CORO1B: variants seen among roughly 807,000 people sequenced by gnomAD.
CORO1B encodes the protein coronin-1B.
Under a neutral mutation model 51.1 loss-of-function variants are expected in CORO1B, and 30 were observed. That is an observed-to-expected ratio of 0.59 (90% CI 0.44 to 0.80). The LOEUF is 0.80. Ranked by LOEUF, CORO1B falls within the 30% of genes least tolerant of loss-of-function variation. The pLI is 0.00. For synonymous variants in CORO1B, 310 were observed against 289.7 expected (o/e 1.07, Z -0.71); for missense variants, 648 against 700.4 (o/e 0.93, Z 0.84).
chr11:67,441,485 C>CA lies in CORO1B; in HGVS notation c.483dup (p.Val162CysfsTer16). 6.2e-7 allele frequency: 1 copy of CA among 1,613,750 alleles called. No homozygotes were observed. The highest frequency in any genetic ancestry group is 8.5e-7 in the Non-Finnish European group (1 of 1,179,986). ...CGGTACAGCTCCTCCGCTGTGCCCA[C>CA]ATTCCAGATGAGTACCACGTTGTCG... On this transcript the variant is annotated frameshift_variant, in exon 5 of 11. Coordinates refer to ENST00000341356, the MANE Select transcript of CORO1B (RefSeq NM_020441.3). LOFTEE classifies it high-confidence loss of function.
At chr11:67,440,081 T>A in intron 8 of CORO1B, 37 bp downstream of exon 8, 1 of 1,578,200 alleles carries the variant, frequency 6.3e-7, no homozygotes. Context: ...TCACCTTAGA[T>A]GCCCCTATCC....
In CORO1B at chr11:67,436,325, C is replaced by T. The variant is rs1334804792; in HGVS notation, c.*2051G>A. 1.3e-6 allele frequency: 2 copies of T among 1,508,426 alleles called. No homozygotes were observed. The highest frequency in any genetic ancestry group is 1.8e-6 in the Non-Finnish European group (2 of 1,130,442). 93.4% of individuals were successfully genotyped at this position (1,508,426 alleles called of 1,614,324 possible). Reference sequence around the variant, plus strand: ...GGCCCCTGGCAGGGCCAGCAGCATCCCGAGCCCTAAGGTGCAGGGCAGAGC... The same window carrying T: ...GGCCCCTGGCAGGGCCAGCAGCATCTCGAGCCCTAAGGTGCAGGGCAGAGC... On this transcript the variant is annotated 3_prime_UTR_variant, in exon 11 of 11. Coordinates refer to ENST00000341356, the MANE Select transcript of CORO1B (RefSeq NM_020441.3).
At position 67,437,641 on chromosome 11, in the gene CORO1B, C is replaced by A; in HGVS notation, c.*735G>T. The A allele has an allele frequency of 7.3e-7, 1 of 1,365,484 alleles. No individual in the cohort carries two copies. Among genetic ancestry groups the A allele is most frequent in the Non-Finnish European group, 9.5e-7 (1 of 1,050,726 alleles). 84.6% of individuals were successfully genotyped at this position (1,365,484 alleles called of 1,614,324 possible). On this transcript the variant is annotated 3_prime_UTR_variant, in exon 11 of 11. Coordinates refer to ENST00000341356, the MANE Select transcript of CORO1B (RefSeq NM_020441.3). ...CCATTGGTCCGCAGGCCCCTCCGTG[C>A]CGGGCACCCACCTCCAGCTCTGGCT... is the stretch of plus-strand genomic sequence containing the variant.
chr11:67,440,504 G>A (rs1864374502), intron 6 of CORO1B, 65 bp from the exon 7 acceptor site: 3 of 1,449,772 alleles, frequency 2.1e-6, no homozygotes, highest in Non-Finnish European at 2.9e-6. Context: ...AACCAGGACG[G>A]GCCTTAGCTG....
In CORO1B at chr11:67,436,408, G is replaced by A. The variant is rs1266371023; in HGVS notation, c.*1968C>T. 7.0e-7 allele frequency: 1 copy of A among 1,420,074 alleles called. No homozygotes were observed. Among genetic ancestry groups the A allele is most frequent in the Non-Finnish European group, 9.2e-7 (1 of 1,091,430 alleles). The allele number at this position is 1,420,074 out of a possible 1,614,324, so 88.0% of individuals were successfully genotyped here. A position where few individuals can be genotyped will look rare whatever the true frequency, so the allele number is the denominator to read the frequency against. On this transcript the variant is annotated 3_prime_UTR_variant, in exon 11 of 11. Coordinates refer to ENST00000341356, the MANE Select transcript of CORO1B (RefSeq NM_020441.3). ...AGCACCTGGGGTGGGGCCTGGTGTG[G>A]GGCAGGCTGGGTGACCAAGACCACT...
chr11:67,435,613 G>C lies in CORO1B; in HGVS notation c.*2763C>G. ...TACACATGGACTTGGGAACTGGTAG[G>C]GGGTGACAGTCTGAGGCATGGTCAT... On this transcript the variant is annotated 3_prime_UTR_variant, in exon 11 of 11. Coordinates refer to ENST00000341356, the MANE Select transcript of CORO1B (RefSeq NM_020441.3). 7.0e-7 allele frequency: 1 copy of C among 1,427,958 alleles called. No homozygotes were observed. Among genetic ancestry groups the C allele is most frequent in the Non-Finnish European group, 9.3e-7 (1 of 1,075,978 alleles). The allele number at this position is 1,427,958 out of a possible 1,614,324, so 88.5% of individuals were successfully genotyped here.
Position 67,437,595 on chromosome 11 carries a change from C to A in CORO1B, c.*781G>T. 7.4e-7 allele frequency: 1 copy of A among 1,351,396 alleles called. No individual in the cohort carries two copies. Among genetic ancestry groups the A allele is most frequent in the Non-Finnish European group, 9.6e-7 (1 of 1,042,700 alleles). 83.7% of individuals were successfully genotyped at this position (1,351,396 alleles called of 1,614,324 possible). A position where few individuals can be genotyped will look rare whatever the true frequency, so the allele number is the denominator to read the frequency against. On this transcript the variant is annotated 3_prime_UTR_variant, in exon 11 of 11. Coordinates refer to ENST00000341356, the MANE Select transcript of CORO1B (RefSeq NM_020441.3). ...CCGCCTGTGGCCCCCATCCCAAGAA[C>A]CCGGGGGGCTCCGAGGCTTACCATT...
At chr11:67,442,976 G>C (rs1022029150) in intron 1 of CORO1B, among the ~76,000 whole-genome samples, 1 of 152,188 alleles carries the variant, frequency 6.6e-6, no homozygotes, top group African/African-American at 2.4e-5. Context: ...GTCCCAGCCA[G>C]TCGGGAGCAG....
chr11:67,440,545 A>G, intron 6 of CORO1B, 106 bp from the exon 7 acceptor site: 1 of 1,012,652 alleles, frequency 9.9e-7, no homozygotes, highest in Non-Finnish European at 1.5e-6. Context: ...CACTGCCCCT[A>G]AATGCAGGTG....
At chr11:67,442,143 T>G in intron 2 of CORO1B, 55 bp from the exon 3 acceptor site, 1 of 1,590,012 alleles carries the variant, frequency 6.3e-7, no homozygotes, top group Non-Finnish European at 8.6e-7. Flanking sequence ...GCCTTGGTCT[T>G]CCCCTCCATG....
At chr11:67,440,005 A>G in intron 8 of CORO1B, 113 bp downstream of exon 8, 9 of 1,498,746 alleles carry the variant, frequency 6.0e-6, no homozygotes, top group Admixed American at 2.0e-5. Flanking sequence ...GACAGTTCTC[A>G]TGGCCCGCCG....
chr11:67,436,716 C>G lies in CORO1B; in HGVS notation c.*1660G>C. 1 of 239,562 alleles carries G rather than the reference C, an allele frequency of 4.2e-6. No individual in the cohort carries two copies. The highest frequency in any genetic ancestry group is 8.1e-6 in the Non-Finnish European group (1 of 123,850). The allele number at this position is 239,562 out of a possible 1,614,324, so 14.8% of individuals were successfully genotyped here. On this transcript the variant is annotated 3_prime_UTR_variant, in exon 11 of 11. Coordinates refer to ENST00000341356, the MANE Select transcript of CORO1B (RefSeq NM_020441.3). ...TTCACCCCAGTGAGGCTGAACCTGA[C>G]CTTAACCTCTACCCTGATGTCTATC... is the stretch of plus-strand genomic sequence containing the variant.
At position 67,441,507 on chromosome 11, in the gene CORO1B, G is replaced by T; in HGVS notation, c.462C>A (p.Asp154Glu). The change falls in exon 5 of 11, where the codon GAC (aspartate) becomes GAA (glutamate). Residue 154 changes from aspartate to glutamate, a missense_variant. Coordinates refer to ENST00000341356, the MANE Select transcript of CORO1B (RefSeq NM_020441.3). ...CCACATTCCAGATGAGTACCACGTT[G>T]TCGCAGCCTGGCAGGTGAGGGTTGT... Reference protein sequence around the residue: ...ARNVLLSAGCDNVVLIWNVGT... With the variant: ...ARNVLLSAGCENVVLIWNVGT... 1 of 1,611,412 alleles carries T rather than the reference G, an allele frequency of 6.2e-7. No individual in the cohort carries two copies. The highest frequency in any genetic ancestry group is 8.5e-7 in the Non-Finnish European group (1 of 1,178,398).
In CORO1B at chr11:67,438,075, A is replaced by G. The variant is rs1394603317; in HGVS notation, c.*301T>C. Reference sequence around the variant, plus strand: ...CTTTTAGAAAGAGAATTTTATTTGGAATGAAAATATAGAGCCCACCCTCCC... The same window carrying G: ...CTTTTAGAAAGAGAATTTTATTTGGGATGAAAATATAGAGCCCACCCTCCC... On this transcript the variant is annotated 3_prime_UTR_variant, in exon 11 of 11. Transcript: ENST00000341356. 2 of 377,748 alleles carry G rather than the reference A, an allele frequency of 5.3e-6. No homozygotes were observed. Among genetic ancestry groups the G allele is most frequent in the African/African-American group, 4.1e-5 (2 of 48,442 alleles). The allele number at this position is 377,748 out of a possible 1,614,324, so 23.4% of individuals were successfully genotyped here.
At position 67,436,414 on chromosome 11, in the gene CORO1B, G is replaced by T; in HGVS notation, c.*1962C>A. Reference sequence around the variant, plus strand: ...TGGGGTGGGGCCTGGTGTGGGGCAGGCTGGGTGACCAAGACCACTTTCGTT... The same window carrying T: ...TGGGGTGGGGCCTGGTGTGGGGCAGTCTGGGTGACCAAGACCACTTTCGTT... On this transcript the variant is annotated 3_prime_UTR_variant, in exon 11 of 11. Transcript: ENST00000341356. 1 of 1,417,468 alleles carries T rather than the reference G, an allele frequency of 7.1e-7. No individual in the cohort carries two copies. Among genetic ancestry groups the T allele is most frequent in the Non-Finnish European group, 9.2e-7 (1 of 1,089,680 alleles). The allele number at this position is 1,417,468 out of a possible 1,614,324, so 87.8% of individuals were successfully genotyped here.
Position 67,440,015 on chromosome 11 carries a change from G to A in CORO1B, c.1007+103C>T, listed in dbSNP as rs970952016. On this transcript the variant is annotated intron_variant, in intron 8 of 10. Coordinates refer to ENST00000341356, the MANE Select transcript of CORO1B (RefSeq NM_020441.3). Reference sequence around the variant, plus strand: ...CTCGTGACAGTTCTCATGGCCCGCCGGGCCTCCCTGGCGCAAGGTTTCCTG... The same window carrying A: ...CTCGTGACAGTTCTCATGGCCCGCCAGGCCTCCCTGGCGCAAGGTTTCCTG... 2.1e-5 allele frequency: 32 copies of A among 1,503,878 alleles called. 1 individual carries two copies. The highest frequency in any genetic ancestry group is 2.7e-5 in the Non-Finnish European group (30 of 1,120,066). 93.2% of individuals were successfully genotyped at this position (1,503,878 alleles called of 1,614,324 possible).
intron 2 of CORO1B, 103 bp downstream of exon 2, chr11:67,442,325 C>T (rs1179491298): frequency 1.5e-6 from 2 of 1,342,608 alleles, no homozygotes; most frequent in African/African-American, 1.4e-5. Flanking sequence ...AACACCTGCC[C>T]AGCAGTGTGA....
chr11:67,440,178 T>C lies in CORO1B; in HGVS notation c.947A>G (p.Gln316Arg), dbSNP rs1369841355. Residue 316 changes from glutamine (Q) to arginine (R), a missense_variant, in exon 8 of 11, where the codon CAG (glutamine) becomes CGG (arginine). Physicochemically the swap from Gln to Arg is conservative, Grantham distance 43 (BLOSUM62 1). Coordinates refer to ENST00000341356, the MANE Select transcript of CORO1B (RefSeq NM_020441.3). ...CTTGGGCATGCTGCCCATACCCCGCTGCGGCTCCTTGCTGGTGAACGTGTT... is the reference window on the plus strand; with the variant it reads ...CTTGGGCATGCTGCCCATACCCCGCCGCGGCTCCTTGCTGGTGAACGTGTT... ...FLNTFTSKEP[Q>R]RGMGSMPKRG... 1 of 1,613,826 alleles carries C rather than the reference T, an allele frequency of 6.2e-7. No homozygotes were observed. Among genetic ancestry groups the C allele is most frequent in the Non-Finnish European group, 8.5e-7 (1 of 1,180,002 alleles).
At position 67,442,551 on chromosome 11, in the gene CORO1B, A is replaced by AT. The variant is rs1246700309; in HGVS notation, c.77dup (p.Tyr26Ter). The stretch of plus-strand genomic sequence containing the variant: ...TAACACGGGACACGCGAATGTCCTC[A>AT]TAGCACTGGTCGTTCTTGACCGGCT... ...FGQPVKNDQC[Y>*]EDIRVSRVTW... Residue 26 changes from tyrosine (Y) to a stop codon, truncating the protein, a stop_gained and frameshift_variant, in exon 2 of 11, where the codon TAT becomes TAAT. Transcript: ENST00000341356. LOFTEE classifies it high-confidence loss of function. 1 of 1,613,722 alleles carries AT rather than the reference A, an allele frequency of 6.2e-7. No individual in the cohort carries two copies. The highest frequency in any genetic ancestry group is 1.3e-5 in the African/African-American group (1 of 74,934).
Sources: gnomAD v4.1 joint callset for allele counts (sites outside exome capture counted in the v4.1 genomes callset) on GRCh38, gnomAD v4.1.1 for gene constraint, MANE v1.5 for transcripts, NCBI Gene and HGNC (gene_info 2026-07-23, HGNC 2026-07-21) for gene names.